Variants in GFRA2 observed in about 807,000 individuals in gnomAD.
GFRA2 encodes the protein GDNF family receptor alpha 2, also known as GDNF family receptor alpha-2.
Under a neutral mutation model 48.3 loss-of-function variants are expected in GFRA2, and 17 were observed. That is an observed-to-expected ratio of 0.35 (90% CI 0.24 to 0.53). GFRA2 has a LOEUF of 0.53. Among genes scored for constraint, GFRA2 ranks in the 20% least tolerant of loss-of-function variants. The pLI is 0.93. For synonymous variants in GFRA2, 305 were observed against 257.2 expected (o/e 1.19, Z -1.78); for missense variants, 660 against 637.3 (o/e 1.04, Z -0.38).
chr8:21,764,586 T>C (rs371218925), intron 3 of GFRA2, among the ~76,000 whole-genome samples: 20 of 152,210 alleles, frequency 1.3e-4, no homozygotes, highest in African/African-American at 3.9e-4. Context: ...CTCTGCCTTC[T>C]CTCTGTTAGA....
chr8:21,742,340 T>A (rs920011194), intron 4 of GFRA2, among the ~76,000 whole-genome samples: 1 of 152,086 alleles, frequency 6.6e-6, no homozygotes, highest in Admixed American at 6.5e-5. Flanking sequence ...TCTCTTTCTC[T>A]CCTCTGCCTC....
At chr8:21,799,867 C>T (rs1212222143) in intron 2 of GFRA2, among the ~76,000 whole-genome samples, 1 of 152,184 alleles carries the variant, frequency 6.6e-6, no homozygotes, top group Non-Finnish European at 1.5e-5. Context: ...CCAAGCAAGG[C>T]TCTCGGGGTG....
chr8:21,790,002 T>G (rs1585347839), upstream of GFRA2: 27 of 854,756 alleles, frequency 3.2e-5, no homozygotes, highest in Non-Finnish European at 3.7e-5. Context: ...GGCTCCGGGG[T>G]TGGGGGGTTC....
At chr8:21,796,029 C>T (rs1343836348) in intron 2 of GFRA2, among the ~76,000 whole-genome samples, 2 of 152,204 alleles carry the variant, frequency 1.3e-5, no homozygotes, top group African/African-American at 4.8e-5. Flanking sequence ...CCTCATTCCT[C>T]GCCTTCCCCC....
At chr8:21,811,196 T>A (rs768123705) in intron 1 of GFRA2, among the ~76,000 whole-genome samples, 16 of 152,098 alleles carry the variant, frequency 1.1e-4, no homozygotes, top group South Asian at 2.1e-4. Context: ...GCCAGCAGCA[T>A]CCCTCTGTAC....
intron 4 of GFRA2, among the ~76,000 whole-genome samples, chr8:21,730,083 T>C (rs1434035994): frequency 6.6e-6 from 1 of 151,928 alleles, no homozygotes; most frequent in Non-Finnish European, 1.5e-5. Flanking sequence ...GGGTTCTCAG[T>C]GTTACGGCAC....
intron 3 of GFRA2, among the ~76,000 whole-genome samples, chr8:21,769,846 G>C (rs1403741881): frequency 6.6e-6 from 1 of 152,138 alleles, no homozygotes. Context: ...AAGGGGTAGC[G>C]TTTGAGTGCT....
At chr8:21,699,831 C>T (rs1223502625) in intron 7 of GFRA2, among the ~76,000 whole-genome samples, 3 of 152,192 alleles carry the variant, frequency 2.0e-5, no homozygotes, top group African/African-American at 7.2e-5. Flanking sequence ...CGGGGTCTCT[C>T]CTTCCACCTG....
intron 3 of GFRA2, among the ~76,000 whole-genome samples, chr8:21,767,591 A>G (rs1806237514): frequency 6.6e-6 from 1 of 152,240 alleles, no homozygotes; most frequent in African/African-American, 2.4e-5. Flanking sequence ...CGCCATCTCA[A>G]GAGCAGCACA....
rs563761565 is a variant in GFRA2, at chr8:21,748,712, C to T, written c.794+1876G>A. On this transcript the variant is annotated intron_variant, in intron 4 of 8. Coordinates refer to ENST00000524240, the MANE Select transcript of GFRA2 (RefSeq NM_001495.5). The stretch of plus-strand genomic sequence containing the variant: ...ATAATATCACCTACCTCAGTTTTGT[C>T]GCAAGGATTAAATGAGACAGAAAGC... Among the ~76,000 whole-genome samples, 4 of 152,266 alleles carry T rather than the reference C, an allele frequency of 2.6e-5. No homozygotes were observed. The East Asian group carries it at 5.8e-4, about 22-fold the overall frequency.
At position 21,746,796 on chromosome 8, in the gene GFRA2, C is replaced by CAA. The variant is rs562714111; in HGVS notation, c.794+3790_794+3791dup. ...CTAGCTTCCCCCACCTCCAGAAAAG[C>CAA]AAAAAAAAAAAAGAGAAGGAAAAAG... On this transcript the variant is annotated intron_variant, in intron 4 of 8. Coordinates refer to ENST00000524240, the MANE Select transcript of GFRA2 (RefSeq NM_001495.5). Among the ~76,000 whole-genome samples, 96 of 124,580 alleles carry CAA rather than the reference C, an allele frequency of 7.7e-4. 1 individual carries two copies. The highest frequency in any genetic ancestry group is 2.5e-3 in the African/African-American group (86 of 34,698). 81.7% of individuals were successfully genotyped at this position (124,580 alleles called of 152,430 possible).
intron 2 of GFRA2, 31 bp downstream of exon 2, chr8:21,782,554 C>A (rs1335530266): frequency 3.3e-6 from 5 of 1,514,636 alleles, no homozygotes; most frequent in African/African-American, 2.8e-5. Context: ...GCCACACCCC[C>A]TCCCCTTGGG....
intron 2 of GFRA2, among the ~76,000 whole-genome samples, chr8:21,794,594 G>A (rs1807635855): frequency 6.6e-6 from 1 of 152,154 alleles, no homozygotes; most frequent in South Asian, 2.1e-4. Context: ...AATATTTACT[G>A]TGGACCTTGT....
chr8:21,719,927 GTTC>G (rs2117440648), intron 4 of GFRA2, among the ~76,000 whole-genome samples: 1 of 152,268 alleles, frequency 6.6e-6, no homozygotes, highest in Non-Finnish European at 1.5e-5. Context: ...CATTAGCCAA[GTTC>G]TTCTGCTCTT....
At chr8:21,723,915 G>A (rs540460141) in intron 4 of GFRA2, among the ~76,000 whole-genome samples, 35 of 152,296 alleles carry the variant, frequency 2.3e-4, no homozygotes, top group African/African-American at 7.7e-4. Context: ...ACAGCAGGTG[G>A]CAGAAGACAG....
At chr8:21,694,981 T>A (rs1483360743) in intron 7 of GFRA2, among the ~76,000 whole-genome samples, 3 of 152,228 alleles carry the variant, frequency 2.0e-5, no homozygotes, top group Non-Finnish European at 4.4e-5. Flanking sequence ...TAATTTGCCA[T>A]GGCTGATGGA....
intron 4 of GFRA2, among the ~76,000 whole-genome samples, chr8:21,730,956 G>C (rs907699625): frequency 7.9e-5 from 12 of 152,184 alleles, no homozygotes; most frequent in African/African-American, 2.9e-4. Flanking sequence ...TCCACAGCGA[G>C]ACGAGGTAGA....
chr8:21,734,734 G>A (rs1343417183), intron 4 of GFRA2, among the ~76,000 whole-genome samples: 1 of 152,202 alleles, frequency 6.6e-6, no homozygotes, highest in African/African-American at 2.4e-5. Context: ...GATGACACTG[G>A]GCAAATAATT....
intron 3 of GFRA2, among the ~76,000 whole-genome samples, chr8:21,772,478 T>C (rs1379070944): frequency 6.6e-6 from 1 of 152,164 alleles, no homozygotes; most frequent in Non-Finnish European, 1.5e-5. Context: ...CAGCCCCAGC[T>C]TGGTTTCTTG....
Sources: gnomAD v4.1 joint callset for allele counts (sites outside exome capture counted in the v4.1 genomes callset) on GRCh38, gnomAD v4.1.1 for gene constraint, MANE v1.5 for transcripts, NCBI Gene and HGNC (gene_info 2026-07-23, HGNC 2026-07-21) for gene names.